The following HELZ2 variants were observed in gnomAD, a reference collection of about 807,000 sequenced individuals.
HELZ2 encodes helicase with zinc finger 2.
In HELZ2, 143 loss-of-function variants were observed where a neutral mutation model predicts 208.8. That is an observed-to-expected ratio of 0.68 (90% CI 0.60 to 0.79). HELZ2 has a LOEUF of 0.79. Among genes scored for constraint, HELZ2 ranks in the 30% least tolerant of loss-of-function variants. The pLI is 0.00. For missense variants in HELZ2, 3,690 were observed against 3,794.5 expected (o/e 0.97, Z 0.72); for synonymous variants, 1,705 against 1,693.7 (o/e 1.01, Z -0.16).
At chr20:63,562,868 C>A in exon 8 of HELZ2, 2 of 1,606,648 alleles carry the variant, frequency 1.2e-6, no homozygotes, top group Admixed American at 1.7e-5. Flanking sequence ...GCGGAAGGCG[C>A]CCTGCAGCTG....
exon 8 of HELZ2, chr20:63,566,110 G>T: frequency 1.3e-6 from 2 of 1,584,496 alleles, no homozygotes; most frequent in South Asian, 1.1e-5. Context: ...GGGACTGGGC[G>T]CGGGTCAGGA....
chr20:63,562,393 A>G lies in HELZ2; in HGVS notation c.6303-11T>C. 1.3e-6 allele frequency: 2 copies of G among 1,572,834 alleles called. No homozygotes were observed. The highest frequency in any genetic ancestry group is 1.7e-6 in the Non-Finnish European group (2 of 1,168,152). ...GCTTCCTCCTTGCGGCTGGGGGTGAAGGCAGACACTGGAAAACCAACAGGA... is the reference window on the plus strand; with the variant it reads ...GCTTCCTCCTTGCGGCTGGGGGTGAGGGCAGACACTGGAAAACCAACAGGA... On this transcript the variant is annotated splice_polypyrimidine_tract_variant and intron_variant, in intron 8 of 18. Transcript: ENST00000467148.
chr20:63,560,131 G>GGCC, intron 17 of HELZ2, 36 bp from the exon 19 acceptor site: 91 of 1,529,914 alleles, frequency 5.9e-5, no homozygotes, highest in Middle Eastern at 1.8e-4. Flanking sequence ...CTGCCGCTGC[G>GGCC]CCCACCCTCC....
At chr20:63,560,034 G>T in exon 18 of HELZ2, 3 of 1,611,460 alleles carry the variant, frequency 1.9e-6, no homozygotes, top group Non-Finnish European at 2.5e-6. Flanking sequence ...TGGGCCGCTG[G>T]TCCAGGTCGC....
chr20:63,565,524 T>G, exon 8 of HELZ2: 1 of 1,606,576 alleles, frequency 6.2e-7, no homozygotes, highest in Non-Finnish European at 8.5e-7. Flanking sequence ...GACTCGGGCC[T>G]GGCGACAGTG....
exon 5 of HELZ2, chr20:63,568,924 C>A: frequency 6.2e-7 from 1 of 1,609,274 alleles, no homozygotes; most frequent in Non-Finnish European, 8.5e-7. Flanking sequence ...ACAGTGCTCC[C>A]GGAGGCGCGA....
exon 8 of HELZ2, chr20:63,562,866 C>T (rs375422831): frequency 5.1e-5 from 82 of 1,606,336 alleles, no homozygotes; most frequent in South Asian, 3.4e-4. Flanking sequence ...AGGCGGAAGG[C>T]GCCCTGCAGC....
At chr20:63,564,064 G>T in exon 8 of HELZ2, 1 of 1,605,718 alleles carries the variant, frequency 6.2e-7, no homozygotes, top group Non-Finnish European at 8.5e-7. Context: ...TGCCCCCGCC[G>T]CCGTGCAGGT....
chr20:63,563,659 C>T, exon 8 of HELZ2: 3 of 1,561,772 alleles, frequency 1.9e-6, no homozygotes, highest in Non-Finnish European at 2.6e-6. Flanking sequence ...GCGCCCGCCG[C>T]TGATAGCTCT....
chr20:63,566,893 C>T lies in HELZ2; in HGVS notation c.2465G>A (p.Trp822Ter). The T allele has an allele frequency of 6.2e-7, 1 of 1,608,190 alleles. No homozygotes were observed. The highest frequency in any genetic ancestry group is 8.5e-7 in the Non-Finnish European group (1 of 1,179,790). The stretch of plus-strand genomic sequence containing the variant: ...GATGCACCTCTGCTCGCGGCCGCCC[C>T]AGCAGCTGGGCCAGGTGTTGTAGGC... The change falls in exon 6 of 19, where the codon TGG (tryptophan) becomes TAG (stop). Residue 822 changes from tryptophan (W) to a stop codon, truncating the protein, a stop_gained. Coordinates refer to ENST00000467148, the Ensembl canonical transcript of HELZ2. LOFTEE classifies it high-confidence loss of function.
chr20:63,565,182 G>A (rs185816655), exon 8 of HELZ2: 25 of 1,604,668 alleles, frequency 1.6e-5, no homozygotes, highest in African/African-American at 2.7e-5. Flanking sequence ...ACCATGATGC[G>A]CGGGTCCCAC....
intron 2 of HELZ2, 36 bp from the exon 4 acceptor site, chr20:63,570,647 A>G (rs2083007542): frequency 1.3e-6 from 2 of 1,497,364 alleles, no homozygotes; most frequent in Non-Finnish European, 1.8e-6. Flanking sequence ...AGAGGCCTGG[A>G]CCCCACCCCA....
At chr20:63,570,978 T>C (rs904095532) in intron 1 of HELZ2, 110 bp from the exon 3 acceptor site, 1 of 833,950 alleles carries the variant, frequency 1.2e-6, no homozygotes, top group South Asian at 1.9e-5. Flanking sequence ...GCAGGGGCTT[T>C]ATTCGTCCCA....
chr20:63,573,726 A>G (rs2083034071), upstream of HELZ2, among the ~76,000 whole-genome samples: 1 of 152,062 alleles, frequency 6.6e-6, no homozygotes, highest in African/African-American at 2.4e-5. This position sits in a 1 kb window ranked among gnomAD's most constrained non-coding sequence, Gnocchi z 4.9. Flanking sequence ...CACGGAGAGG[A>G]GGGTACAGTG....
At position 63,560,083 on chromosome 20, in the gene HELZ2, C is replaced by T. The variant is rs770518386; in HGVS notation, c.7670G>A (p.Arg2557His). The T allele has an allele frequency of 3.2e-5, 51 of 1,600,764 alleles. No individual in the cohort carries two copies. The highest frequency in any genetic ancestry group is 1.3e-4 in the African/African-American group (10 of 74,684). The change falls in exon 18 of 19, where the codon CGC becomes CAC. Residue 2557 changes from arginine (R) to histidine (H), a missense_variant. Physicochemically the swap from Arg to His is conservative, Grantham distance 29 (BLOSUM62 0). This residue lies in a region of HELZ2 where 2,564 missense variants were observed against 2,580.5 expected (regional missense o/e 0.99). Transcript: ENST00000467148. ...GCGGACGGTGCTCACCAGCACATAG[C>T]GCCACTCGCTCCCTGCGGGATGGGA...
chr20:63,567,412 G>A, exon 6 of HELZ2: 2 of 1,577,906 alleles, frequency 1.3e-6, no homozygotes, highest in Non-Finnish European at 1.7e-6. Flanking sequence ...ACGGGCCTGG[G>A]AGGTGGTGGT....
At chr20:63,572,392 G>T in exon 1 of HELZ2, 1 of 1,509,440 alleles carries the variant, frequency 6.6e-7, no homozygotes, top group Non-Finnish European at 8.8e-7. Context: ...CCATCTCCAC[G>T]GCGCTGTGTG....
chr20:63,569,563 G>T, exon 4 of HELZ2: 1 of 1,599,192 alleles, frequency 6.3e-7, no homozygotes, highest in South Asian at 1.1e-5. Flanking sequence ...ACACGGAAGC[G>T]CTCACCCCGT....
In HELZ2 at chr20:63,562,348, C is replaced by G. The variant is rs770566143; in HGVS notation, c.6337G>C (p.Ala2113Pro). ...GCGATGCTGGTGACCAGCGGGGACGCCTCCTCTAGTCCACGCACGGCTTCC... is the reference window on the plus strand; with the variant it reads ...GCGATGCTGGTGACCAGCGGGGACGGCTCCTCTAGTCCACGCACGGCTTCC... Residue 2113 changes from alanine (A) to proline (P), a missense_variant, in exon 9 of 19, where the codon GCG becomes CCG. Physicochemically the swap from Ala to Pro is conservative, Grantham distance 27. Around this residue, in one of 3 missense-constraint regions of HELZ2, gnomAD observed 2,564 missense variants for 2,580.5 expected, o/e 0.99. Coordinates refer to ENST00000467148, the Ensembl canonical transcript of HELZ2. 69 of 1,594,804 alleles carry G rather than the reference C, an allele frequency of 4.3e-5. No individual in the cohort carries two copies. Among genetic ancestry groups the G allele is most frequent in the Non-Finnish European group, 5.5e-5 (65 of 1,176,726 alleles).
Sources: gnomAD v4.1 joint callset for allele counts (sites outside exome capture counted in the v4.1 genomes callset) on GRCh38, gnomAD v4.1.1 for gene constraint, gnomAD v4.1.1 regional missense constraint, Gnocchi (gnomAD v3.1) non-coding constraint, MANE v1.5 for transcripts, NCBI Gene and HGNC (gene_info 2026-07-23, HGNC 2026-07-21) for gene names.